Variants in ATXN7 observed in about 807,000 individuals in gnomAD.
ATXN7 encodes ataxin 7.
ATXN7 carries 12 observed loss-of-function variants against 70.5 expected under a neutral mutation model. The ratio of observed to expected loss-of-function variants is 0.17; its 90% CI spans 0.11 to 0.28. ATXN7 has a LOEUF of 0.28. Ranked by LOEUF, ATXN7 falls within the 10% of genes least tolerant of loss-of-function variation. ATXN7 has a pLI of 1.00. For synonymous variants in ATXN7, 498 were observed against 448.7 expected, an observed-to-expected ratio of 1.11 and a Z score of -1.39; for missense variants, 1,256 against 1,131.7, an observed-to-expected ratio of 1.11 and a Z score of -1.58.
intron 5 of ATXN7, among the ~76,000 whole-genome samples, chr3:63,974,564 G>C (rs756571903): frequency 5.9e-5 from 9 of 152,244 alleles, no homozygotes; most frequent in Non-Finnish European, 1.3e-4. Flanking sequence ...TTGGACAACT[G>C]ACTTGAGTCC....
In ATXN7 at chr3:63,913,178, T is replaced by C. The variant is rs780882119; in HGVS notation, c.347T>C (p.Phe116Ser). ...CTAGGGACAGAATTGGACGAAAGTT[T>C]CAAGGAGTTTGGGAAAAACCGCGAA... Reference protein sequence around the residue: ...GKDGTELDESFKEFGKNREVM... With the variant: ...GKDGTELDESSKEFGKNREVM... The change falls in exon 4 of 13, where the codon TTC becomes TCC. Residue 116 changes from phenylalanine to serine, a missense_variant. Physicochemically the swap from Phe to Ser is radical, Grantham distance 155. Transcript: ENST00000674280. The C allele has an allele frequency of 2.5e-6, 4 of 1,613,712 alleles. No homozygotes were observed. The African/African-American group carries it at 4.0e-5, about 16-fold the overall frequency.
At chr3:63,882,894 G>C (rs1477969313) in intron 1 of ATXN7, among the ~76,000 whole-genome samples, 2 of 152,172 alleles carry the variant, frequency 1.3e-5, no homozygotes, top group African/African-American at 4.8e-5. Flanking sequence ...ATATGAACAT[G>C]AGCCAGTACT....
At chr3:63,930,108 A>G (rs1216865160) in intron 4 of ATXN7, among the ~76,000 whole-genome samples, 2 of 152,190 alleles carry the variant, frequency 1.3e-5, no homozygotes, top group African/African-American at 4.8e-5. Flanking sequence ...ATGGGTCTTA[A>G]TATATATTTT....
At chr3:63,893,380 T>TA (rs2107251545) in intron 1 of ATXN7, among the ~76,000 whole-genome samples, 1 of 152,320 alleles carries the variant, frequency 6.6e-6, no homozygotes, top group South Asian at 2.1e-4. Flanking sequence ...TTGCTGACCT[T>TA]TCTTTGCTAA....
chr3:63,888,827 A>C (rs2107240393), intron 1 of ATXN7, among the ~76,000 whole-genome samples: 1 of 152,252 alleles, frequency 6.6e-6, no homozygotes, highest in Admixed American at 6.5e-5. Context: ...CTTTATAGCC[A>C]CATTCATTCC....
At chr3:63,985,032 T>C (rs1229026240) in intron 8 of ATXN7, among the ~76,000 whole-genome samples, 1 of 152,240 alleles carries the variant, frequency 6.6e-6, no homozygotes, top group Non-Finnish European at 1.5e-5. Context: ...CAGTCACCTG[T>C]TGACAGACAT....
At chr3:63,911,327 C>A (rs540711464) in intron 2 of ATXN7, among the ~76,000 whole-genome samples, 88 of 152,276 alleles carry the variant, frequency 5.8e-4, no homozygotes, top group Admixed American at 1.6e-3. Flanking sequence ...TATCGCTAAG[C>A]AAATGTTGTG....
intron 4 of ATXN7, among the ~76,000 whole-genome samples, chr3:63,937,010 A>T (rs777571850): frequency 6.6e-6 from 1 of 152,240 alleles, no homozygotes; most frequent in African/African-American, 2.4e-5. Flanking sequence ...AACAAGCTCA[A>T]TGATAAGAAG....
chr3:63,873,192 A>G (rs1702647515), intron 1 of ATXN7, among the ~76,000 whole-genome samples: 1 of 152,286 alleles, frequency 6.6e-6, no homozygotes, highest in East Asian at 1.9e-4. Context: ...AGAAAATGCA[A>G]TTCTTCTAGA....
chr3:63,997,489 T>G, intron 12 of ATXN7: 1 of 702,522 alleles, frequency 1.4e-6, no homozygotes, highest in Non-Finnish European at 2.4e-6. Flanking sequence ...AACCATGACT[T>G]TCTCTCTTAG....
chr3:63,863,315 A>G, upstream of ATXN7: 1 of 428,358 alleles, frequency 2.3e-6, no homozygotes, highest in South Asian at 9.7e-5. Context: ...TCCCTCCCAG[A>G]CCTCCACAAA....
chr3:63,960,909 A>G (rs1462110949), intron 5 of ATXN7, among the ~76,000 whole-genome samples: 1 of 152,144 alleles, frequency 6.6e-6, no homozygotes, highest in Admixed American at 6.5e-5. Context: ...CATACAAGCC[A>G]GGAAACAAAA....
At chr3:63,912,548 C>G in intron 2 of ATXN7, 40 bp from the exon 3 acceptor site, 1 of 1,099,842 alleles carries the variant, frequency 9.1e-7, no homozygotes. Flanking sequence ...AAAAACGGCC[C>G]CCGCGCGACT....
At chr3:63,933,688 G>A (rs1030200897) in intron 4 of ATXN7, among the ~76,000 whole-genome samples, 2 of 152,168 alleles carry the variant, frequency 1.3e-5, no homozygotes, top group African/African-American at 2.4e-5. Context: ...TGCAAAAAAG[G>A]GAAGTAAAAT....
intron 4 of ATXN7, among the ~76,000 whole-genome samples, chr3:63,946,465 C>A (rs945252715): frequency 6.6e-6 from 1 of 151,976 alleles, no homozygotes; most frequent in Non-Finnish European, 1.5e-5. Context: ...CAGTGAAACC[C>A]GTTCTCTACT....
At chr3:63,896,484 A>G (rs924265121) in intron 1 of ATXN7, among the ~76,000 whole-genome samples, 9 of 152,194 alleles carry the variant, frequency 5.9e-5, no homozygotes, top group African/African-American at 2.2e-4. Flanking sequence ...AAATATCACC[A>G]AAGGCCCGGA....
chr3:63,926,872 G>A (rs1258101230), intron 4 of ATXN7, among the ~76,000 whole-genome samples: 1 of 151,946 alleles, frequency 6.6e-6, no homozygotes, highest in Non-Finnish European at 1.5e-5. Context: ...GTGTCCATGT[G>A]TTCTCATTGT....
At chr3:63,938,082 A>G (rs2074695784) in intron 4 of ATXN7, among the ~76,000 whole-genome samples, 3 of 152,196 alleles carry the variant, frequency 2.0e-5, no homozygotes, top group South Asian at 4.1e-4. Flanking sequence ...TGAGACATCA[A>G]TCTGAATTGT....
At chr3:63,882,376 C>A (rs575011944) in intron 1 of ATXN7, among the ~76,000 whole-genome samples, 2 of 150,488 alleles carry the variant, frequency 1.3e-5, no homozygotes, top group Admixed American at 1.3e-4. Flanking sequence ...TCCATTCTGG[C>A]CTTTGATTCT....
Sources: allele counts gnomAD v4.1 joint callset (sites outside exome capture counted in the v4.1 genomes callset), GRCh38; gene constraint gnomAD v4.1.1; transcripts MANE v1.5; gene names NCBI Gene and HGNC (gene_info 2026-07-23, HGNC 2026-07-21).